MAP3K15: variants seen among roughly 807,000 people sequenced by gnomAD.
The protein encoded by MAP3K15 is mitogen-activated protein kinase kinase kinase 15.
MAP3K15 carries 124 observed loss-of-function variants against 99.5 expected under a neutral mutation model. The observed-to-expected ratio is 1.25, with a 90% CI of 1.08 to 1.45. The LOEUF (loss-of-function observed/expected upper bound fraction) is 1.45. Among genes scored for constraint, MAP3K15 ranks in the 40% most tolerant of loss-of-function variants. The pLI is 0.00. For synonymous variants in MAP3K15, 494 were observed against 439.6 expected (o/e 1.12, Z -1.55); for missense variants, 1,242 against 1,079.7 (o/e 1.15, Z -2.11).
intron 6 of MAP3K15, among the ~76,000 whole-genome samples, chrX:19,433,527 C>T (rs2063899434): frequency 9.0e-6 from 1 of 111,025 alleles, no homozygotes; most frequent in Admixed American, 9.7e-5. Flanking sequence ...GGCCTTTGGA[C>T]TCAGACCAAA....
intron 18 of MAP3K15, among the ~76,000 whole-genome samples, chrX:19,382,684 C>T (rs750423777): frequency 3.4e-3 from 375 of 111,581 alleles, no homozygotes; most frequent in Middle Eastern, 9.2e-3. Flanking sequence ...AACATGGCAG[C>T]GCATTACACT....
intron 13 of MAP3K15, among the ~76,000 whole-genome samples, chrX:19,402,361 A>C (rs1236212949): frequency 9.0e-6 from 1 of 111,055 alleles, no homozygotes; most frequent in Non-Finnish European, 1.9e-5. Context: ...ACTCTCATAC[A>C]TTGCTAGTGG....
intron 19 of MAP3K15, among the ~76,000 whole-genome samples, chrX:19,375,811 T>C (rs11094771): frequency 0.13 from 14,560 of 112,007 alleles, 2,082 homozygotes; most frequent in African/African-American, 0.42. Flanking sequence ...GTCACGGCCA[T>C]GTGCTGTTTC....
At chrX:19,424,677 A>C (rs1452369788) in intron 9 of MAP3K15, among the ~76,000 whole-genome samples, 4 of 110,056 alleles carry the variant, frequency 3.6e-5, no homozygotes, top group African/African-American at 1.3e-4. Flanking sequence ...ACAGGGTCTC[A>C]CTCTGTCACC....
At chrX:19,399,672 T>C (rs1191321101) in intron 14 of MAP3K15, among the ~76,000 whole-genome samples, 1 of 100,154 alleles carries the variant, frequency 1.0e-5, no homozygotes, top group African/African-American at 3.7e-5. Context: ...AGGCAGAGGT[T>C]GCAGTAAGGC....
At chrX:19,405,603 A>G (rs1253948047) in intron 13 of MAP3K15, among the ~76,000 whole-genome samples, 2 of 112,410 alleles carry the variant, frequency 1.8e-5, no homozygotes, top group African/African-American at 6.5e-5. Context: ...TGGGACACTA[A>G]GTAAAATTTG....
chrX:19,389,558 T>C (rs1247271516), intron 18 of MAP3K15, among the ~76,000 whole-genome samples: 1 of 111,709 alleles, frequency 9.0e-6, no homozygotes, highest in Non-Finnish European at 1.9e-5. Flanking sequence ...GCGGGGGAAT[T>C]TCCTAACCAA....
chrX:19,469,135 C>T (rs1177687762), intron 3 of MAP3K15, among the ~76,000 whole-genome samples: 1 of 111,393 alleles, frequency 9.0e-6, no homozygotes, highest in Non-Finnish European at 1.9e-5. Flanking sequence ...CATCACGCTA[C>T]CTGACTTCAA....
Position 19,409,914 on chromosome X carries a change from A to G in MAP3K15, c.1748+10T>C. Reference sequence around the variant, plus strand: ...TAAAATAGTAACTCCATTTTCTCCTATGTTCTTACCTTATTCCCTTTATGG... The same window carrying G: ...TAAAATAGTAACTCCATTTTCTCCTGTGTTCTTACCTTATTCCCTTTATGG... On this transcript the variant is annotated intron_variant, in intron 12 of 28. Transcript: ENST00000338883. 1 of 1,177,814 alleles carries G rather than the reference A, an allele frequency of 8.5e-7. No individual in the cohort carries two copies. The highest frequency in any genetic ancestry group is 1.7e-5 in the African/African-American group (1 of 57,191).
chrX:19,466,327 T>C (rs1176890645), intron 3 of MAP3K15, among the ~76,000 whole-genome samples: 1 of 111,858 alleles, frequency 8.9e-6, no homozygotes, highest in African/African-American at 3.3e-5. Flanking sequence ...CATCTTGAAT[T>C]GTAATCCCCG....
intron 1 of MAP3K15, among the ~76,000 whole-genome samples, chrX:19,492,660 T>C (rs983346306): frequency 1.8e-5 from 2 of 111,817 alleles, no homozygotes; most frequent in Admixed American, 1.9e-4. Flanking sequence ...CTCTTACTTA[T>C]CTACATTAAA....
At chrX:19,471,578 A>T (rs1370063287) in intron 3 of MAP3K15, among the ~76,000 whole-genome samples, 3 of 111,331 alleles carry the variant, frequency 2.7e-5, no homozygotes, top group Admixed American at 9.6e-5. Flanking sequence ...ATCATTTTTT[A>T]AAAAATTAAA....
At chrX:19,459,947 C>A (rs758521620) in intron 5 of MAP3K15, 38 bp downstream of exon 5, 22 of 1,060,424 alleles carry the variant, frequency 2.1e-5, no homozygotes, top group Admixed American at 3.1e-5. Context: ...CAAGGAAGAA[C>A]GTAGCATACG....
chrX:19,422,247 T>C (rs191351948), intron 9 of MAP3K15, among the ~76,000 whole-genome samples: 1 of 111,161 alleles, frequency 9.0e-6, no homozygotes, highest in East Asian at 2.8e-4. Context: ...ACATGCAACC[T>C]ACAGAATGGG....
chrX:19,382,987 G>A (rs1486087319), intron 18 of MAP3K15, among the ~76,000 whole-genome samples: 1 of 111,873 alleles, frequency 8.9e-6, no homozygotes, highest in African/African-American at 3.3e-5. Flanking sequence ...AGGAAGCGGA[G>A]ACCTGCTGTG....
In MAP3K15 at chrX:19,394,819, TTTTTTTTTTTTTTTTTA is replaced by T. The variant is rs1478967970; in HGVS notation, c.2194+245_2194+261del. ...TTTTTTTTTTTTTTTTTTTTTTTTT[TTTTTTTTTTTTTTTTTA>T]AAAAGAGTGATGGGTTTTGCTCTGT... On this transcript the variant is annotated intron_variant, in intron 16 of 28. Coordinates refer to ENST00000338883, the MANE Select transcript of MAP3K15 (RefSeq NM_001001671.4). Among the ~76,000 whole-genome samples the T allele has an allele frequency of 1.6e-3, 100 of 64,367 alleles. 3 individuals are homozygous for T. Among genetic ancestry groups the T allele is most frequent in the Non-Finnish European group, 1.7e-3 (68 of 39,006 alleles). 55.9% of individuals were successfully genotyped at this position (64,367 alleles called of 115,157 possible).
At chrX:19,428,106 T>G (rs868856083) in intron 7 of MAP3K15, among the ~76,000 whole-genome samples, 2 of 111,631 alleles carry the variant, frequency 1.8e-5, no homozygotes, top group South Asian at 7.7e-4. Context: ...AGTTCCAGAT[T>G]CACCACTAAC....
rs2063654887 is a variant in MAP3K15 at position 19,407,220 on chromosome X, T to C, written c.1812A>G (p.Gln604=). ...LYVHDNSDDF[Q]IYFSTEEQCS... ...ACTGCTCTTCGGTGGAAAAGTAGAT[T>C]TGAAAGTCATCAGAATTATCATGGA... The change falls in exon 13 of 29, where the codon CAA becomes CAG. Residue 604 remains glutamine (Q), a synonymous_variant. Transcript: ENST00000338883. The C allele has an allele frequency of 4.2e-6, 5 of 1,199,979 alleles. No homozygotes were observed. The South Asian group carries it at 5.5e-5, about 13-fold the overall frequency.
rs745426078 is a variant in MAP3K15 at position 19,431,472 on chromosome X, T to G, written c.1132A>C (p.Lys378Gln). The change falls in exon 7 of 29, where the codon AAA becomes CAA. Residue 378 changes from lysine to glutamine, a missense_variant. Transcript: ENST00000338883. ...GCGCTGTCGCGGCTGGTGTCATCTTTGCAGTCTGAATCCAAGAAGATGTCC... is the reference window on the plus strand; with the variant it reads ...GCGCTGTCGCGGCTGGTGTCATCTTGGCAGTCTGAATCCAAGAAGATGTCC... ...YKDIFLDSDC[K>Q]DDTSRDSAIE... 3.3e-6 allele frequency: 4 copies of G among 1,200,391 alleles called. No homozygotes were observed. The Admixed American group carries it at 8.7e-5, about 26-fold the overall frequency.
Sources: gnomAD v4.1 joint callset for allele counts (sites outside exome capture counted in the v4.1 genomes callset) on GRCh38, gnomAD v4.1.1 for gene constraint, MANE v1.5 for transcripts, NCBI Gene and HGNC (gene_info 2026-07-23, HGNC 2026-07-21) for gene names.